BRAF: variants seen among roughly 807,000 people sequenced by gnomAD.
BRAF encodes B-Raf proto-oncogene, serine/threonine kinase.
Under a neutral mutation model 104.6 loss-of-function variants are expected in BRAF, and 16 were observed. The ratio of observed to expected loss-of-function variants is 0.15; its 90% CI spans 0.10 to 0.23. The LOEUF is 0.23. BRAF is among the 10% of genes least tolerant of loss of function. The pLI is 1.00. For missense variants in BRAF, 541 were observed against 937.3 expected (o/e 0.58, Z 5.52); for synonymous variants, 310 against 341.6 (o/e 0.91, Z 1.02).
In BRAF at chr7:140,724,525, G is replaced by A; in HGVS notation, c.*1969C>T. The A allele has an allele frequency of 9.6e-7, 1 of 1,046,606 alleles. No individual in the cohort carries two copies. The highest frequency in any genetic ancestry group is 1.2e-6 in the Non-Finnish European group (1 of 867,538). 64.8% of individuals were successfully genotyped at this position (1,046,606 alleles called of 1,614,324 possible). On this transcript the variant is annotated 3_prime_UTR_variant, in exon 20 of 20. Transcript: ENST00000644969. ...TGATGTAAAACTTAAAAACAAATTT[G>A]CTTTTCAAACTGATTAATAACTTAA...
chr7:140,884,431 G>A (rs1335347638), intron 1 of BRAF, among the ~76,000 whole-genome samples: 3 of 26,148 alleles, frequency 1.1e-4, no homozygotes, highest in Non-Finnish European at 2.3e-4. Flanking sequence ...TATAAGATAT[G>A]TGTGTGTGTG....
chr7:140,774,815 C>A (rs1004786217), intron 14 of BRAF, among the ~76,000 whole-genome samples: 3 of 152,202 alleles, frequency 2.0e-5, no homozygotes, highest in Non-Finnish European at 4.4e-5. Context: ...ACATGCCCAG[C>A]CACATTTCTC....
rs907960334 is a variant in BRAF at position 140,880,788 on chromosome 7, T to G, written c.139-30576A>C. Among the ~76,000 whole-genome samples the G allele has an allele frequency of 4.1e-5, 6 of 148,134 alleles. No homozygotes were observed. In the South Asian group the frequency reaches 1.3e-3, roughly 32 times the overall value. On this transcript the variant is annotated intron_variant, in intron 1 of 19. Coordinates refer to ENST00000644969, the MANE Select transcript of BRAF (RefSeq NM_001374258.1). ...GTTTGTGAGACTAGCCTGGGAAACA[T>G]AGACCCTGTCTCTATTAAAAAAAAA... is the stretch of plus-strand genomic sequence containing the variant.
At chr7:140,884,312 A>T (rs1208440487) in intron 1 of BRAF, 1 of 152,062 alleles carries the variant, frequency 6.6e-6, no homozygotes, top group African/African-American at 2.4e-5. Flanking sequence ...GAAGAACATA[A>T]GTGTTTAACA....
chr7:140,905,816 C>T (rs1816238594), intron 1 of BRAF, among the ~76,000 whole-genome samples: 1 of 152,020 alleles, frequency 6.6e-6, no homozygotes, highest in Non-Finnish European at 1.5e-5. Context: ...AGGCCGGGCG[C>T]GGTGGCTCAC....
At chr7:140,875,342 C>T (rs1244506914) in intron 1 of BRAF, among the ~76,000 whole-genome samples, 1 of 152,214 alleles carries the variant, frequency 6.6e-6, no homozygotes, top group Non-Finnish European at 1.5e-5. Flanking sequence ...TCCACACTCT[C>T]ACACATCATA....
intron 14 of BRAF, among the ~76,000 whole-genome samples, chr7:140,757,732 C>A (rs1033532518): frequency 6.6e-6 from 1 of 152,080 alleles, no homozygotes; most frequent in Non-Finnish European, 1.5e-5. Flanking sequence ...AAGAGTCTTA[C>A]GTGAGAGCTG....
intron 1 of BRAF, among the ~76,000 whole-genome samples, chr7:140,914,346 T>C (rs930498708): frequency 1.1e-4 from 17 of 152,146 alleles, no homozygotes; most frequent in African/African-American, 4.1e-4. Flanking sequence ...ATGAAACTTA[T>C]TTGAGATTGT....
chr7:140,884,450 T>C (rs967492678), intron 1 of BRAF, among the ~76,000 whole-genome samples: 1 of 147,244 alleles, frequency 6.8e-6, no homozygotes, highest in African/African-American at 2.6e-5. Flanking sequence ...TGTGTGTGTG[T>C]GTGTGTGTGT....
intron 6 of BRAF, 34 bp downstream of exon 6, chr7:140,801,378 G>A (rs2129044246): frequency 6.2e-7 from 1 of 1,609,466 alleles, no homozygotes; most frequent in Non-Finnish European, 8.5e-7. Flanking sequence ...GTGTAAAATG[G>A]TAGGTAGAAA....
intron 7 of BRAF, chr7:140,800,132 C>T (rs1230506811): frequency 1.6e-6 from 1 of 613,992 alleles, no homozygotes; most frequent in East Asian, 3.1e-5. Flanking sequence ...GAAGTCAAAT[C>T]ATACCCAATA....
chr7:140,778,209 T>C (rs2129019893), intron 12 of BRAF, 134 bp from the exon 12 acceptor site: 1 of 818,074 alleles, frequency 1.2e-6, no homozygotes. Flanking sequence ...AATTATACTT[T>C]AGCTATCTAA....
intron 14 of BRAF, among the ~76,000 whole-genome samples, chr7:140,761,731 T>C (rs1363528517): frequency 1.3e-5 from 2 of 151,956 alleles, no homozygotes; most frequent in Non-Finnish European, 2.9e-5. Flanking sequence ...AAGGCAGGGG[T>C]TGCAATCCTA....
intron 3 of BRAF, among the ~76,000 whole-genome samples, chr7:140,823,075 T>G (rs745526855): frequency 7.9e-5 from 12 of 152,176 alleles, no homozygotes; most frequent in Non-Finnish European, 1.3e-4. Context: ...TCTCTCGCCT[T>G]GACTTCCCAA....
At chr7:140,846,203 A>G (rs531757952) in intron 2 of BRAF, among the ~76,000 whole-genome samples, 1 of 152,312 alleles carries the variant, frequency 6.6e-6, no homozygotes, top group East Asian at 1.9e-4. Context: ...TCGTACACCC[A>G]TGTTCACAGC....
chr7:140,843,705 A>G lies in BRAF; in HGVS notation c.240+6406T>C, dbSNP rs11762541. Among the ~76,000 whole-genome samples the G allele has an allele frequency of 5.5e-3, 839 of 152,270 alleles. 6 individuals are homozygous for G. The highest frequency in any genetic ancestry group is 7.2e-3 in the Non-Finnish European group (487 of 68,004). Reference sequence around the variant, plus strand: ...CATACCTATATGTCTGTATATACATATATTTTTAAAAATTTCTGGGCTGGG... The same window carrying G: ...CATACCTATATGTCTGTATATACATGTATTTTTAAAAATTTCTGGGCTGGG... On this transcript the variant is annotated intron_variant, in intron 2 of 19. Transcript: ENST00000644969.
At chr7:140,850,448 G>A (rs1023571647) in intron 1 of BRAF, among the ~76,000 whole-genome samples, 1 of 152,066 alleles carries the variant, frequency 6.6e-6, no homozygotes, top group Non-Finnish European at 1.5e-5. Context: ...TGAATATTCA[G>A]AATAAACCAT....
rs534737218 is a variant in BRAF at position 140,764,904 on chromosome 7, C to G, written c.1815-10671G>C. 8.5e-5 allele frequency among the ~76,000 whole-genome samples: 13 copies of G among 152,298 alleles called. No individual in the cohort carries two copies. In the East Asian group the frequency reaches 1.5e-3, roughly 18 times the overall value. ...TAATTTACAGATTCAATGCCATCCC[C>G]ATCAAGCTACCAATGACTTTCTTCA... On this transcript the variant is annotated intron_variant, in intron 14 of 19. Transcript: ENST00000644969.
intron 1 of BRAF, among the ~76,000 whole-genome samples, chr7:140,850,975 T>G (rs1400031851): frequency 6.6e-6 from 1 of 152,170 alleles, no homozygotes; most frequent in Non-Finnish European, 1.5e-5. Flanking sequence ...CTGAGACGTA[T>G]AAATTCCAAA....
Sources: gnomAD v4.1 joint callset for allele counts (sites outside exome capture counted in the v4.1 genomes callset) on GRCh38, gnomAD v4.1.1 for gene constraint, MANE v1.5 for transcripts, NCBI Gene and HGNC (gene_info 2026-07-23, HGNC 2026-07-21) for gene names.